The following SPAG9 variants were observed in gnomAD, a reference collection of about 807,000 sequenced individuals.
The protein encoded by SPAG9 is C-Jun-amino-terminal kinase-interacting protein 4.
SPAG9 carries 35 observed loss-of-function variants against 166.5 expected under a neutral mutation model. The observed-to-expected ratio is 0.21, with a 90% CI of 0.16 to 0.28. The LOEUF (loss-of-function observed/expected upper bound fraction) is 0.28, where lower values mean the gene tolerates loss of function less well. Among genes scored for constraint, SPAG9 ranks in the 10% least tolerant of loss-of-function variants. The pLI, the probability that SPAG9 is intolerant of heterozygous loss-of-function variation, is 1.00. For synonymous variants in SPAG9, 534 were observed against 565.5 expected (o/e 0.94, Z 0.79); for missense variants, 1,235 against 1,603.3 (o/e 0.77, Z 3.92).
chr17:50,966,379 CT>C lies in SPAG9; in HGVS notation c.3858del (p.Gly1287ValfsTer25). ...TCTCCAAGAAGTTCTGATTCTCCAC[CT>C]TCATCACCTAGTGAATGATAAGAAG... ...EGYIDFRMGD[E>X]GGESELLGED... On this transcript the variant is annotated frameshift_variant, in exon 30 of 30. Coordinates refer to ENST00000262013, the MANE Select transcript of SPAG9 (RefSeq NM_001130528.3). LOFTEE classifies it high-confidence loss of function. 1 of 1,594,960 alleles carries C rather than the reference CT, an allele frequency of 6.3e-7. No homozygotes were observed. The highest frequency in any genetic ancestry group is 8.6e-7 in the Non-Finnish European group (1 of 1,162,646).
intron 24 of SPAG9, among the ~76,000 whole-genome samples, chr17:50,984,483 G>C (rs1279784212): frequency 2.0e-5 from 3 of 152,080 alleles, no homozygotes; most frequent in African/African-American, 7.2e-5. Flanking sequence ...TCAGGAGATC[G>C]AGACCATCCT....
chr17:50,975,753 A>T, intron 27 of SPAG9: 1 of 806,284 alleles, frequency 1.2e-6, no homozygotes, highest in Non-Finnish European at 2.0e-6. Flanking sequence ...AGTGACTGCA[A>T]GTGGATAACA....
chr17:51,119,840 C>T (rs908566382), intron 1 of SPAG9, among the ~76,000 whole-genome samples: 2 of 152,198 alleles, frequency 1.3e-5, no homozygotes, highest in Non-Finnish European at 2.9e-5. Context: ...AGACGTCTTT[C>T]TCAACAAGAT....
At chr17:51,075,195 C>CAAAAA (rs57533555) in intron 2 of SPAG9, among the ~76,000 whole-genome samples, 49 of 28,922 alleles carry the variant, frequency 1.7e-3, no homozygotes, top group Admixed American at 2.8e-3. Context: ...GACTCCATCT[C>CAAAAA]AAAAAAAAAA....
intron 20 of SPAG9, chr17:50,990,243 T>C (rs974419897): frequency 1.4e-5 from 8 of 557,308 alleles, no homozygotes; most frequent in African/African-American, 7.6e-5. Flanking sequence ...TTAGCCAGGA[T>C]GGTCTTGATC....
chr17:51,047,114 T>A (rs2047047376), intron 4 of SPAG9: 2 of 215,828 alleles, frequency 9.3e-6, no homozygotes, highest in South Asian at 3.3e-4. Flanking sequence ...ATTTTAAACC[T>A]AGTATAATCT....
chr17:50,988,980 T>G (rs187633320), intron 21 of SPAG9, among the ~76,000 whole-genome samples: 102 of 151,698 alleles, frequency 6.7e-4, no homozygotes, highest in African/African-American at 2.4e-3. Flanking sequence ...GGAGTGAAAA[T>G]TAGAGTAGGG....
At chr17:51,032,017 CTGA>C (rs2046403660) in intron 5 of SPAG9, 3 of 511,278 alleles carry the variant, frequency 5.9e-6, no homozygotes, top group Admixed American at 4.9e-5. Context: ...TGAAATCTTC[CTGA>C]TGTTTATTCC....
At chr17:51,079,455 T>C (rs1410822787) in intron 2 of SPAG9, 129 bp downstream of exon 2, 6 of 741,360 alleles carry the variant, frequency 8.1e-6, no homozygotes, top group African/African-American at 1.8e-5. Flanking sequence ...ACCAGGCTGG[T>C]CTTGAACTCC....
chr17:51,102,636 G>A (rs1158918132), intron 1 of SPAG9, among the ~76,000 whole-genome samples: 2 of 151,812 alleles, frequency 1.3e-5, no homozygotes, highest in African/African-American at 2.4e-5. Flanking sequence ...CCCAGTAGCT[G>A]AGATTACAGG....
intron 2 of SPAG9, among the ~76,000 whole-genome samples, chr17:51,061,612 C>CAAAA (rs34010166): frequency 0.04 from 1,254 of 31,722 alleles, 162 homozygotes; most frequent in African/African-American, 0.12. Flanking sequence ...GCTCTGTCTC[C>CAAAA]AAAAAAAAAA....
chr17:51,081,280 G>A (rs1376481916), intron 1 of SPAG9, among the ~76,000 whole-genome samples: 1 of 152,010 alleles, frequency 6.6e-6, no homozygotes, highest in Non-Finnish European at 1.5e-5. Context: ...GTGAAATTCG[G>A]TCTCTACTAA....
intron 2 of SPAG9, among the ~76,000 whole-genome samples, chr17:51,078,421 G>C (rs974960222): frequency 1.3e-5 from 2 of 152,174 alleles, no homozygotes; most frequent in Non-Finnish European, 2.9e-5. Flanking sequence ...TGCTGGCGAA[G>C]GCATTCCATC....
At position 51,053,854 on chromosome 17, in the gene SPAG9, A is replaced by AAAT. The variant is rs1491529465; in HGVS notation, c.495+2557_495+2558insATT. Among the ~76,000 whole-genome samples the AAAT allele has an allele frequency of 5.8e-3, 200 of 34,430 alleles. 3 individuals are homozygous for AAAT. Among genetic ancestry groups the AAAT allele is most frequent in the Non-Finnish European group, 7.7e-3 (167 of 21,690 alleles). The allele number at this position is 34,430 out of a possible 152,430, so 22.6% of individuals were successfully genotyped here. On this transcript the variant is annotated intron_variant, in intron 3 of 29. Transcript: ENST00000262013. ...CCCTAATTAAAAAAAAAAAAAAAAA[A>AAAT]GTATATATATATATATATATATATA...
intron 19 of SPAG9, among the ~76,000 whole-genome samples, chr17:50,991,866 C>T (rs189940771): frequency 1.1e-4 from 16 of 150,918 alleles, no homozygotes; most frequent in East Asian, 5.8e-4. Flanking sequence ...TCAGGTGATC[C>T]GCCCACCTCA....
intron 2 of SPAG9, among the ~76,000 whole-genome samples, chr17:51,059,758 G>C (rs1302020206): frequency 6.8e-6 from 1 of 147,996 alleles, no homozygotes; most frequent in East Asian, 2.0e-4. Flanking sequence ...GACAGAGTGT[G>C]ACTCCATCTC....
At chr17:50,988,275 G>C (rs76694281) in intron 21 of SPAG9, among the ~76,000 whole-genome samples, 5 of 151,200 alleles carry the variant, frequency 3.3e-5, no homozygotes, top group African/African-American at 1.2e-4. Flanking sequence ...AATTTTTTTT[G>C]TAAAAAATCA....
At position 50,963,626 on chromosome 17, in the gene SPAG9, A is replaced by G. The variant is rs1973218180; in HGVS notation, c.*2646T>C. On this transcript the variant is annotated 3_prime_UTR_variant, in exon 30 of 30. Transcript: ENST00000262013. ...AATTACAACCATTTGACATGTTTGTATTTTTCATCTCTAACTCCTGATTTC... is the reference window on the plus strand; with the variant it reads ...AATTACAACCATTTGACATGTTTGTGTTTTTCATCTCTAACTCCTGATTTC... The G allele has an allele frequency of 6.6e-6, 1 of 152,190 alleles. No homozygotes were observed. The highest frequency in any genetic ancestry group is 1.5e-5 in the Non-Finnish European group (1 of 68,032). The allele number at this position is 152,190 out of a possible 1,614,324, so 9.4% of individuals were successfully genotyped here.
At chr17:51,112,195 A>G (rs1329079809) in intron 1 of SPAG9, among the ~76,000 whole-genome samples, 2 of 152,012 alleles carry the variant, frequency 1.3e-5, no homozygotes, top group African/African-American at 4.8e-5. Flanking sequence ...GTGCAGGGGC[A>G]TATCTCTATC....
Sources: allele counts gnomAD v4.1 joint callset (sites outside exome capture counted in the v4.1 genomes callset), GRCh38; gene constraint gnomAD v4.1.1; transcripts MANE v1.5; gene names NCBI Gene and HGNC (gene_info 2026-07-23, HGNC 2026-07-21).